DGKI: variants seen among roughly 807,000 people sequenced by gnomAD.
The protein encoded by DGKI is DAG kinase iota.
In DGKI, 55 loss-of-function variants were observed where a neutral mutation model predicts 147.5. The ratio of observed to expected loss-of-function variants is 0.37; its 90% confidence interval spans 0.30 to 0.47. The LOEUF (loss-of-function observed/expected upper bound fraction) is 0.47. Ranked by LOEUF, DGKI falls within the 20% of genes least tolerant of loss-of-function variation. The pLI is 1.00. For missense variants in DGKI, 1,007 were observed against 1,323.8 expected (o/e 0.76, Z 3.71); for synonymous variants, 469 against 477.1 (o/e 0.98, Z 0.22).
intron 1 of DGKI, among the ~76,000 whole-genome samples, chr7:137,789,037 T>C (rs1796766253): frequency 6.6e-6 from 1 of 152,200 alleles, no homozygotes; most frequent in Non-Finnish European, 1.5e-5. Context: ...GAATTTATAA[T>C]TTAAAAGGAG....
intron 6 of DGKI, among the ~76,000 whole-genome samples, chr7:137,638,600 ATG>A (rs1821479184): frequency 7.6e-5 from 1 of 13,116 alleles, no homozygotes; most frequent in African/African-American, 3.6e-4. Flanking sequence ...ATATACATAT[ATG>A]TATATATATA....
chr7:137,799,740 T>A (rs1359044414), intron 1 of DGKI, among the ~76,000 whole-genome samples: 2 of 152,194 alleles, frequency 1.3e-5, no homozygotes, highest in African/African-American at 4.8e-5. Flanking sequence ...AAGGAATGCT[T>A]GAATGAAAGG....
chr7:137,799,203 C>T (rs1024283093), intron 1 of DGKI, among the ~76,000 whole-genome samples: 5 of 151,964 alleles, frequency 3.3e-5, no homozygotes, highest in African/African-American at 7.3e-5. Context: ...CTGATACATC[C>T]GATAACATAG....
At chr7:137,512,299 C>T (rs1342640061) in intron 21 of DGKI, among the ~76,000 whole-genome samples, 2 of 152,196 alleles carry the variant, frequency 1.3e-5, no homozygotes, top group Admixed American at 6.5e-5. Flanking sequence ...GTGTATACAA[C>T]AGCCCTCTGT....
chr7:137,578,424 A>G (rs1819063439), intron 15 of DGKI, 99 bp from the exon 16 acceptor site: 1 of 776,484 alleles, frequency 1.3e-6, no homozygotes, highest in African/African-American at 1.7e-5. Flanking sequence ...CCTATCCTAC[A>G]GATCCAATAG....
At chr7:137,585,407 A>G in intron 13 of DGKI, 61 bp from the exon 14 acceptor site, 1 of 1,562,152 alleles carries the variant, frequency 6.4e-7, no homozygotes. Context: ...AGCCAATGCT[A>G]TTTTACGCAA....
chr7:137,835,305 T>C (rs1798341085), intron 1 of DGKI, among the ~76,000 whole-genome samples: 1 of 152,138 alleles, frequency 6.6e-6, no homozygotes, highest in Non-Finnish European at 1.5e-5. Context: ...CTGTGAACCG[T>C]GTGCGGCTCA....
chr7:137,588,992 A>T (rs1050455614), intron 12 of DGKI, among the ~76,000 whole-genome samples: 2 of 152,216 alleles, frequency 1.3e-5, no homozygotes, highest in Non-Finnish European at 2.9e-5. Flanking sequence ...GCCTAATGCC[A>T]GTGGCCAACC....
chr7:137,761,870 C>T (rs1795866674), intron 1 of DGKI, among the ~76,000 whole-genome samples: 3 of 152,158 alleles, frequency 2.0e-5, no homozygotes, highest in Non-Finnish European at 4.4e-5. Context: ...AGCCTAAACT[C>T]AACTTGACCG....
At chr7:137,717,517 CAT>C (rs1794415537) in intron 1 of DGKI, among the ~76,000 whole-genome samples, 1 of 152,138 alleles carries the variant, frequency 6.6e-6, no homozygotes, top group South Asian at 2.1e-4. Flanking sequence ...AGGGCATAAA[CAT>C]ATGTCTGTCT....
At chr7:137,814,852 A>G (rs939141602) in intron 1 of DGKI, among the ~76,000 whole-genome samples, 1 of 152,226 alleles carries the variant, frequency 6.6e-6, no homozygotes, top group African/African-American at 2.4e-5. Flanking sequence ...AAACAAAAAA[A>G]TGGTACGCTG....
chr7:137,528,426 C>T (rs1817226835), intron 20 of DGKI, among the ~76,000 whole-genome samples: 1 of 152,106 alleles, frequency 6.6e-6, no homozygotes, highest in South Asian at 2.1e-4. Flanking sequence ...ATTCTTAAAC[C>T]AAGCATAAAC....
chr7:137,426,505 A>C (rs1382592819), intron 28 of DGKI, among the ~76,000 whole-genome samples: 4 of 152,194 alleles, frequency 2.6e-5, no homozygotes, highest in South Asian at 2.1e-4. Flanking sequence ...CAAGCAAAAT[A>C]ACCAGCTAAC....
At chr7:137,443,262 G>C (rs1298780048) in intron 28 of DGKI, among the ~76,000 whole-genome samples, 1 of 152,128 alleles carries the variant, frequency 6.6e-6, no homozygotes, top group African/African-American at 2.4e-5. Context: ...TCATTCTAGA[G>C]GCCATCGGAG....
At chr7:137,734,403 G>A (rs1365414024) in intron 1 of DGKI, among the ~76,000 whole-genome samples, 1 of 151,936 alleles carries the variant, frequency 6.6e-6, no homozygotes, top group East Asian at 1.9e-4. Flanking sequence ...CAGATTTGCG[G>A]GTCAGGAATC....
intron 6 of DGKI, among the ~76,000 whole-genome samples, chr7:137,638,066 A>G (rs1391393082): frequency 1.3e-5 from 2 of 152,158 alleles, no homozygotes; most frequent in Non-Finnish European, 2.9e-5. Context: ...CAAACGGTAA[A>G]TGAGGATTTG....
At chr7:137,599,085 C>T (rs997596666) in intron 11 of DGKI, among the ~76,000 whole-genome samples, 13 of 152,160 alleles carry the variant, frequency 8.5e-5, no homozygotes, top group African/African-American at 2.6e-4. Context: ...AAGTGGTACC[C>T]TTGTGTTCTA....
chr7:137,418,746 T>A (rs1331784890), intron 28 of DGKI, among the ~76,000 whole-genome samples: 6 of 151,952 alleles, frequency 3.9e-5, no homozygotes, highest in Non-Finnish European at 5.9e-5. Context: ...AAGAAAAAAA[T>A]AAAAGTAAAT....
At position 137,727,606 on chromosome 7, in the gene DGKI, G is replaced by A. The variant is rs564733418; in HGVS notation, c.402-37604C>T. Among the ~76,000 whole-genome samples, 9 of 152,230 alleles carry A rather than the reference G, an allele frequency of 5.9e-5. No homozygotes were observed. The East Asian group carries it at 7.7e-4, about 13-fold the overall frequency. On this transcript the variant is annotated intron_variant, in intron 1 of 32. Transcript: ENST00000614521. ...GATGAAAGAAGTAGGGGAAGAACCCGAATGACTAAAATCAGAATGTTTACA... is the reference window on the plus strand; with the variant it reads ...GATGAAAGAAGTAGGGGAAGAACCCAAATGACTAAAATCAGAATGTTTACA...
Sources: gnomAD v4.1 joint callset for allele counts (sites outside exome capture counted in the v4.1 genomes callset) on GRCh38, gnomAD v4.1.1 for gene constraint, MANE v1.5 for transcripts, NCBI Gene and HGNC (gene_info 2026-07-23, HGNC 2026-07-21) for gene names.